SETD2: variants seen among roughly 807,000 people sequenced by gnomAD.
SETD2 encodes histone-lysine N-methyltransferase SETD2.
In SETD2, 31 loss-of-function variants were observed where a neutral mutation model predicts 242.1. That is an observed-to-expected ratio of 0.13 (90% CI 0.10 to 0.17). The LOEUF is 0.17. SETD2 is among the 10% of genes least tolerant of loss of function. The probability of loss-of-function intolerance (pLI) is 1.00; values close to 1 mark genes in which losing one functional copy is unlikely to be tolerated. For missense variants in SETD2, 2,481 were observed against 3,046.3 expected (o/e 0.81, Z 4.37); for synonymous variants, 1,006 against 1,066.5 (o/e 0.94, Z 1.11).
rs1482489476 is a variant in SETD2 at position 47,057,259 on chromosome 3, G to A, written c.6525C>T (p.Ala2175=). The change falls in exon 15 of 21, where the codon GCC becomes GCT. Residue 2175 remains alanine (A), a synonymous_variant. Coordinates refer to ENST00000409792, the MANE Select transcript of SETD2 (RefSeq NM_014159.7). ...CATTAGGGTTGCTGGGATCCACATA[G>A]GCCTGCATGGGATAACCTGGTGGGT... ...AGYPPGYPMQ[A]YVDPSNPNAG... 1.9e-6 allele frequency: 3 copies of A among 1,614,066 alleles called. No homozygotes were observed. Among genetic ancestry groups the A allele is most frequent in the Admixed American group, 1.7e-5 (1 of 59,994 alleles).
At chr3:47,031,616 G>A (rs2038774357) in intron 18 of SETD2, among the ~76,000 whole-genome samples, 1 of 152,280 alleles carries the variant, frequency 6.6e-6, no homozygotes, top group South Asian at 2.1e-4. Flanking sequence ...GCTGGAAATG[G>A]TAAATATGTG....
chr3:47,069,536 A>G (rs1350749161), intron 12 of SETD2, among the ~76,000 whole-genome samples: 1 of 152,204 alleles, frequency 6.6e-6, no homozygotes, highest in Non-Finnish European at 1.5e-5. Context: ...ATGCACAGAG[A>G]AGGCTGAGAA....
chr3:47,155,241 T>G (rs536848370), intron 1 of SETD2, among the ~76,000 whole-genome samples: 1 of 152,264 alleles, frequency 6.6e-6, no homozygotes, highest in Non-Finnish European at 1.5e-5. Flanking sequence ...GTTACAAATG[T>G]TAAAATGTCT....
At position 47,123,225 on chromosome 3, in the gene SETD2, T is replaced by C. The variant is rs759689866; in HGVS notation, c.1411A>G (p.Arg471Gly). ...GAAGAGGAATGAGATGAGGTACGCC[T>C]TGAGTATGTCTTCTTATACTCTTCT... The part of the protein sequence containing the change: ...SEEEYKKTYS[R>G]RTSSHSSSYR... Residue 471 changes from arginine to glycine, a missense_variant, in exon 3 of 21, where the codon AGG becomes GGG. Around this residue, in one of 17 missense-constraint regions of SETD2, gnomAD observed 1,300 missense variants for 1,259.2 expected, o/e 1.03. Transcript: ENST00000409792. The C allele has an allele frequency of 1.3e-6, 2 of 1,563,296 alleles. No homozygotes were observed. The highest frequency in any genetic ancestry group is 1.4e-5 in the African/African-American group (1 of 73,368).
intron 5 of SETD2, 135 bp downstream of exon 5, chr3:47,113,741 A>C: frequency 2.7e-6 from 2 of 731,914 alleles, no homozygotes; most frequent in Non-Finnish European, 4.3e-6. Flanking sequence ...TGAGAGGCTA[A>C]GGCAGGAGAA....
At chr3:47,114,976 T>C (rs931373026) in intron 4 of SETD2, among the ~76,000 whole-genome samples, 1 of 151,368 alleles carries the variant, frequency 6.6e-6, no homozygotes, top group Non-Finnish European at 1.5e-5. Context: ...TTTTTAGCAA[T>C]GGTCAAAGGA....
At chr3:47,137,187 T>A (rs1485206964) in intron 1 of SETD2, among the ~76,000 whole-genome samples, 1 of 151,978 alleles carries the variant, frequency 6.6e-6, no homozygotes, top group Non-Finnish European at 1.5e-5. Flanking sequence ...TATTATTATT[T>A]TTATTTTATT....
intron 5 of SETD2, among the ~76,000 whole-genome samples, chr3:47,107,908 A>G (rs1363863312): frequency 2.0e-5 from 3 of 152,056 alleles, no homozygotes; most frequent in African/African-American, 7.2e-5. Context: ...TTGAGCCCTG[A>G]GTTTGAATCT....
chr3:47,127,443 T>C (rs1167588675), intron 1 of SETD2: 4 of 262,360 alleles, frequency 1.5e-5, no homozygotes, highest in Non-Finnish European at 2.4e-5. Context: ...ACACATAAAA[T>C]AAGGCTGGGT....
chr3:47,030,661 C>T (rs186285667), intron 18 of SETD2, among the ~76,000 whole-genome samples: 1 of 152,044 alleles, frequency 6.6e-6, no homozygotes, highest in Admixed American at 6.5e-5. Context: ...AAAATCAAGA[C>T]ATATGGGGGA....
intron 3 of SETD2, among the ~76,000 whole-genome samples, chr3:47,116,968 T>C (rs1284199234): frequency 6.6e-6 from 1 of 152,066 alleles, no homozygotes; most frequent in African/African-American, 2.4e-5. Context: ...TTCCACCTCC[T>C]GAATAGCTGG....
intron 1 of SETD2, among the ~76,000 whole-genome samples, chr3:47,139,242 T>C (rs1008581282): frequency 2.0e-5 from 3 of 152,140 alleles, no homozygotes; most frequent in African/African-American, 7.2e-5. Context: ...ATATCTACCT[T>C]AATCCACTCA....
chr3:47,040,868 T>C (rs1351227812), intron 17 of SETD2, among the ~76,000 whole-genome samples: 2 of 152,182 alleles, frequency 1.3e-5, no homozygotes, highest in African/African-American at 4.8e-5. Flanking sequence ...CTGCTGTACA[T>C]GGCTAAAAGG....
At chr3:47,114,271 G>C (rs190352534) in intron 4 of SETD2, among the ~76,000 whole-genome samples, 1 of 152,062 alleles carries the variant, frequency 6.6e-6, no homozygotes, top group Non-Finnish European at 1.5e-5. Context: ...CACTCCCTAG[G>C]TGTCTAGAAT....
At chr3:47,105,612 TTTTG>T in intron 6 of SETD2, 1 of 416,256 alleles carries the variant, frequency 2.4e-6, no homozygotes, top group Non-Finnish European at 4.7e-6. Context: ...TGCCCCTCAT[TTTTG>T]TCGCTTAATA....
chr3:47,157,148 C>G (rs1004347014), intron 1 of SETD2, among the ~76,000 whole-genome samples: 1 of 151,944 alleles, frequency 6.6e-6, no homozygotes, highest in African/African-American at 2.4e-5. Flanking sequence ...CCACAGTCCC[C>G]GCTACTCAGA....
At chr3:47,056,142 T>A (rs1459869971) in intron 15 of SETD2, among the ~76,000 whole-genome samples, 1 of 136,904 alleles carries the variant, frequency 7.3e-6, no homozygotes, top group Non-Finnish European at 1.5e-5. Flanking sequence ...TTATTTATTT[T>A]GAGATGGCAT....
intron 1 of SETD2, among the ~76,000 whole-genome samples, chr3:47,148,407 A>C (rs1373457182): frequency 3.3e-5 from 5 of 152,146 alleles, no homozygotes; most frequent in Admixed American, 2.0e-4. Flanking sequence ...CTCGGATTAC[A>C]GACATGAGCC....
In SETD2 at chr3:47,057,067, C is replaced by A; in HGVS notation, c.6717G>T (p.Gln2239His). The A allele has an allele frequency of 6.2e-7, 1 of 1,614,250 alleles. No homozygotes were observed. Among genetic ancestry groups the A allele is most frequent in the Non-Finnish European group, 8.5e-7 (1 of 1,180,052 alleles). Residue 2239 changes from glutamine to histidine, a missense_variant, in exon 15 of 21, where the codon CAG becomes CAT. By Grantham distance (24) the Gln-to-His change is conservative. Coordinates refer to ENST00000409792, the MANE Select transcript of SETD2 (RefSeq NM_014159.7). ...CTACACCATCACTCTGGGCCACATA[C>A]TGGGAACTGGAAACTTCCACAGGAG... ...VAAPVEVSSSQYVAQSDGVVH... is the reference protein window; with the variant it reads ...VAAPVEVSSSHYVAQSDGVVH...
Sources: gnomAD v4.1 joint callset for allele counts (sites outside exome capture counted in the v4.1 genomes callset) on GRCh38, gnomAD v4.1.1 for gene constraint, gnomAD v4.1.1 regional missense constraint, MANE v1.5 for transcripts, NCBI Gene and HGNC (gene_info 2026-07-23, HGNC 2026-07-21) for gene names.